Variants in CNOT1 observed in about 807,000 individuals in gnomAD.
CNOT1 encodes CCR4-associated factor 1.
CNOT1 carries 15 observed loss-of-function variants against 273.8 expected under a neutral mutation model. The observed-to-expected ratio is 0.05, with a 90% confidence interval of 0.04 to 0.08. The LOEUF (loss-of-function observed/expected upper bound fraction) is 0.08, where lower values mean the gene tolerates loss of function less well. CNOT1 is among the 10% of genes least tolerant of loss of function. CNOT1 has a pLI of 1.00. For synonymous variants in CNOT1, 1,022 were observed against 1,005.5 expected, an observed-to-expected ratio of 1.02 and a Z score of -0.31; for missense variants, 1,644 against 2,912.2, an observed-to-expected ratio of 0.56 and a Z score of 10.02.
intron 42 of CNOT1, 139 bp downstream of exon 42, chr16:58,531,819 A>T: frequency 9.8e-7 from 1 of 1,018,390 alleles, no homozygotes; most frequent in Non-Finnish European, 1.4e-6. Flanking sequence ...GACTTGAGTG[A>T]ACACTAAATA....
At chr16:58,611,999 C>CTGTT (rs1344214627) in intron 1 of CNOT1, among the ~76,000 whole-genome samples, 2 of 152,050 alleles carry the variant, frequency 1.3e-5, no homozygotes, top group African/African-American at 4.8e-5. Flanking sequence ...GGGTCTTGCT[C>CTGTT]TGTTATCCAG....
At chr16:58,585,890 T>G (rs2041817068) in intron 7 of CNOT1, among the ~76,000 whole-genome samples, 2 of 152,126 alleles carry the variant, frequency 1.3e-5, no homozygotes, top group African/African-American at 4.8e-5. Context: ...TTCCCATTAG[T>G]GAGAATGTTA....
chr16:58,587,173 C>G (rs746833023), intron 6 of CNOT1, 28 bp downstream of exon 6: 4 of 1,608,610 alleles, frequency 2.5e-6, no homozygotes, highest in Non-Finnish European at 2.5e-6. Context: ...AGTCTCACTT[C>G]GTGATATTTT....
intron 38 of CNOT1, among the ~76,000 whole-genome samples, chr16:58,537,525 C>T (rs116923440): frequency 5.9e-5 from 9 of 152,330 alleles, no homozygotes; most frequent in Non-Finnish European, 1.0e-4. Flanking sequence ...GCTTTCTTTA[C>T]GTTACTTCTC....
intron 7 of CNOT1, among the ~76,000 whole-genome samples, chr16:58,586,048 T>C (rs1042812346): frequency 3.3e-5 from 5 of 150,812 alleles, no homozygotes; most frequent in South Asian, 2.1e-4. Flanking sequence ...ATAACTAGGA[T>C]TTATCTTAAC....
chr16:58,629,791 G>C lies in CNOT1; in HGVS notation c.-238C>G, dbSNP rs960022437. 6.6e-6 allele frequency: 1 copy of C among 152,312 alleles called. No homozygotes were observed. The highest frequency in any genetic ancestry group is 2.4e-5 in the African/African-American group (1 of 41,452). The allele number at this position is 152,312 out of a possible 1,614,324, so 9.4% of individuals were successfully genotyped here. A position where few individuals can be genotyped will look rare whatever the true frequency, so the allele number is the denominator to read the frequency against. ...TGGGTCCCCGACTCCGGCTCTCCTC[G>C]ACCCCCTCTTCGGTTAACTCCGCTT... On this transcript the variant is annotated 5_prime_UTR_variant, in exon 1 of 49. Coordinates refer to ENST00000317147, the MANE Select transcript of CNOT1 (RefSeq NM_016284.5).
At chr16:58,602,385 T>C (rs1349682506) in intron 1 of CNOT1, among the ~76,000 whole-genome samples, 1 of 151,920 alleles carries the variant, frequency 6.6e-6, no homozygotes, top group African/African-American at 2.4e-5. Flanking sequence ...AACAGTCTCA[T>C]GGCTTAAAAA....
At chr16:58,531,922 T>C (rs766854370) in intron 42 of CNOT1, 36 bp downstream of exon 42, 22 of 1,610,794 alleles carry the variant, frequency 1.4e-5, no homozygotes, top group African/African-American at 2.7e-5. Context: ...CAGGTAGTTA[T>C]AGTCTTCATC....
intron 21 of CNOT1, among the ~76,000 whole-genome samples, chr16:58,554,820 C>T (rs55637287): frequency 4.6e-5 from 7 of 150,916 alleles, no homozygotes; most frequent in Non-Finnish European, 7.4e-5. Context: ...TCTGTAATCC[C>T]AGCTACTTGA....
chr16:58,622,933 C>T (rs1227086798), intron 1 of CNOT1, among the ~76,000 whole-genome samples: 5 of 151,994 alleles, frequency 3.3e-5, no homozygotes, highest in African/African-American at 4.8e-5. Flanking sequence ...TGCAGTGGCT[C>T]ACGCCTGAAA....
At chr16:58,535,892 C>T (rs1429445012) in intron 39 of CNOT1, among the ~76,000 whole-genome samples, 2 of 152,020 alleles carry the variant, frequency 1.3e-5, no homozygotes, top group Non-Finnish European at 1.5e-5. Context: ...CGCCACCACA[C>T]CCGGCTAATT....
intron 16 of CNOT1, among the ~76,000 whole-genome samples, chr16:58,570,621 A>G (rs1321498831): frequency 6.6e-6 from 1 of 152,234 alleles, no homozygotes; most frequent in East Asian, 1.9e-4. Flanking sequence ...CTGTCTCAAA[A>G]AAATAACTGC....
intron 12 of CNOT1, among the ~76,000 whole-genome samples, chr16:58,580,316 A>AG (rs397786961): frequency 6.6e-6 from 1 of 151,116 alleles, no homozygotes; most frequent in Non-Finnish European, 1.5e-5. Context: ...AAAAAAAAAA[A>AG]GGCATAAGCT....
intron 16 of CNOT1, among the ~76,000 whole-genome samples, chr16:58,570,529 C>T (rs1454385452): frequency 5.9e-5 from 9 of 152,238 alleles, no homozygotes; most frequent in African/African-American, 2.2e-4. Context: ...GTCCCAGCTA[C>T]CTGGGAGGAC....
chr16:58,588,214 G>A (rs887748509), intron 3 of CNOT1, among the ~76,000 whole-genome samples: 5 of 151,978 alleles, frequency 3.3e-5, no homozygotes, highest in Admixed American at 2.6e-4. Context: ...CAGGAGAATC[G>A]CTTGAACCCA....
intron 1 of CNOT1, among the ~76,000 whole-genome samples, chr16:58,605,565 AT>A (rs1174654378): frequency 6.6e-6 from 1 of 152,228 alleles, no homozygotes; most frequent in African/African-American, 2.4e-5. Context: ...AGGACTTGTC[AT>A]TATCATGCCA....
intron 38 of CNOT1, among the ~76,000 whole-genome samples, chr16:58,537,447 C>T (rs1417315644): frequency 2.0e-5 from 3 of 152,202 alleles, no homozygotes; most frequent in East Asian, 3.8e-4. Context: ...GCCCAAAAAA[C>T]GTGTTCATTT....
At chr16:58,624,223 T>C (rs979783974) in intron 1 of CNOT1, among the ~76,000 whole-genome samples, 5 of 152,174 alleles carry the variant, frequency 3.3e-5, no homozygotes, top group African/African-American at 9.6e-5. Context: ...GTCAGAATAA[T>C]ACTGAATTAG....
intron 1 of CNOT1, chr16:58,623,099 G>A (rs1321913536): frequency 2.6e-5 from 4 of 151,970 alleles, no homozygotes; most frequent in Non-Finnish European, 5.9e-5. Flanking sequence ...TCAGGAGGCT[G>A]AGGCAGGAGA....
Sources: allele counts gnomAD v4.1 joint callset (sites outside exome capture counted in the v4.1 genomes callset), GRCh38; gene constraint gnomAD v4.1.1; transcripts MANE v1.5; gene names NCBI Gene and HGNC (gene_info 2026-07-23, HGNC 2026-07-21).